The following ELMO1 variants were observed in gnomAD, a reference collection of about 807,000 sequenced individuals.
ELMO1 encodes engulfment and cell motility 1, also known as engulfment and cell motility protein 1.
A neutral mutation model predicts 98.9 loss-of-function variants in ELMO1; 26 were observed. That is an observed-to-expected ratio of 0.26 (90% confidence interval 0.19 to 0.36). The LOEUF is 0.36. Among genes scored for constraint, ELMO1 ranks in the 10% least tolerant of loss-of-function variants. The pLI, the probability that ELMO1 is intolerant of heterozygous loss-of-function variation, is 1.00. For synonymous variants in ELMO1, 346 were observed against 346.0 expected (o/e 1.00, Z 0.00); for missense variants, 627 against 935.2 (o/e 0.67, Z 4.30).
chr7:37,376,863 A>G (rs985970285), intron 1 of ELMO1, among the ~76,000 whole-genome samples: 2 of 152,220 alleles, frequency 1.3e-5, no homozygotes, highest in Non-Finnish European at 2.9e-5. Flanking sequence ...ACTGGAGTGT[A>G]ACATTTTCAT....
intron 13 of ELMO1, among the ~76,000 whole-genome samples, chr7:37,208,204 G>A (rs572355767): frequency 1.3e-5 from 2 of 152,356 alleles, no homozygotes; most frequent in Non-Finnish European, 1.5e-5. Context: ...TGTGCTAGTC[G>A]CTGGTAGACG....
chr7:37,364,329 T>A (rs183580777), intron 1 of ELMO1, among the ~76,000 whole-genome samples: 2 of 152,250 alleles, frequency 1.3e-5, no homozygotes, highest in African/African-American at 4.8e-5. Flanking sequence ...CTGCCAAATA[T>A]GATGTTAAAT....
At chr7:37,297,357 A>G (rs367801826) in intron 4 of ELMO1, among the ~76,000 whole-genome samples, 2 of 152,296 alleles carry the variant, frequency 1.3e-5, no homozygotes, top group South Asian at 2.1e-4. Context: ...TTCAGTTCCA[A>G]TTCCGGCATT....
chr7:37,267,236 A>G (rs754362181), intron 5 of ELMO1, among the ~76,000 whole-genome samples: 2 of 152,126 alleles, frequency 1.3e-5, no homozygotes, highest in African/African-American at 2.4e-5. Flanking sequence ...CCCTCTATAC[A>G]GGATGTTCTG....
At chr7:37,026,219 C>T (rs1794569813) in intron 15 of ELMO1, among the ~76,000 whole-genome samples, 1 of 152,122 alleles carries the variant, frequency 6.6e-6, no homozygotes, top group African/African-American at 2.4e-5. Context: ...TGTTGGGATA[C>T]AGGCAGATTA....
chr7:37,369,002 G>A (rs139026552), intron 1 of ELMO1, among the ~76,000 whole-genome samples: 4 of 152,078 alleles, frequency 2.6e-5, no homozygotes, highest in East Asian at 1.9e-4. Flanking sequence ...TTTCCCTCTC[G>A]GCATTTTACA....
At chr7:37,196,618 T>C (rs1791977317) in intron 13 of ELMO1, among the ~76,000 whole-genome samples, 1 of 152,134 alleles carries the variant, frequency 6.6e-6, no homozygotes, top group Non-Finnish European at 1.5e-5. Flanking sequence ...AGGCTAGAAA[T>C]AAAGCTTCAC....
At chr7:37,331,639 A>T (rs1352564843) in intron 2 of ELMO1, among the ~76,000 whole-genome samples, 1 of 152,062 alleles carries the variant, frequency 6.6e-6, no homozygotes, top group Non-Finnish European at 1.5e-5. Context: ...ACACACACCG[A>T]TGTTTAAGCT....
rs115786970 is a variant in ELMO1, at chr7:37,432,621, G to T, written c.-74+16054C>A. Among the ~76,000 whole-genome samples, 537 of 152,330 alleles carry T rather than the reference G, an allele frequency of 3.5e-3. 7 individuals carry two copies. Among genetic ancestry groups the T allele is most frequent in the African/African-American group, 0.012 (515 of 41,576 alleles). On this transcript the variant is annotated intron_variant, in intron 1 of 21. Coordinates refer to ENST00000310758, the MANE Select transcript of ELMO1 (RefSeq NM_014800.11). ...TAATATGCAATTATAGTCTAGAAAC[G>T]TATATTATCAAGGCCACGGTGCTCT...
chr7:36,959,402 C>T (rs192899807), intron 16 of ELMO1, among the ~76,000 whole-genome samples: 9 of 152,172 alleles, frequency 5.9e-5, no homozygotes, highest in Admixed American at 2.0e-4. Context: ...AGTTTTCAAG[C>T]CCCTGAAAAA....
chr7:37,323,722 C>A (rs1277474654), intron 2 of ELMO1, among the ~76,000 whole-genome samples: 1 of 152,084 alleles, frequency 6.6e-6, no homozygotes, highest in Non-Finnish European at 1.5e-5. Flanking sequence ...GAGTATTGGT[C>A]TTTTGCTTTC....
chr7:37,289,735 T>C (rs1797577571), intron 4 of ELMO1, among the ~76,000 whole-genome samples: 2 of 151,922 alleles, frequency 1.3e-5, no homozygotes, highest in African/African-American at 4.8e-5. Context: ...TCACTTGCAT[T>C]GCATTCGAGA....
intron 13 of ELMO1, among the ~76,000 whole-genome samples, chr7:37,159,101 C>A (rs1789008400): frequency 6.6e-6 from 1 of 152,106 alleles, no homozygotes. Context: ...GGGAGTTGAA[C>A]AATGAGAACA....
At chr7:37,252,858 T>C (rs1795430393) in intron 6 of ELMO1, among the ~76,000 whole-genome samples, 1 of 152,120 alleles carries the variant, frequency 6.6e-6, no homozygotes. Context: ...ATCCAAAATC[T>C]ACAAGGAACT....
intron 15 of ELMO1, among the ~76,000 whole-genome samples, chr7:37,090,159 C>T (rs899273403): frequency 2.2e-5 from 3 of 137,254 alleles, no homozygotes; most frequent in African/African-American, 8.1e-5. Flanking sequence ...ATGACATCAC[C>T]GGACAGGTAT....
intron 20 of ELMO1, chr7:36,862,182 C>A: frequency 5.6e-6 from 1 of 178,176 alleles, no homozygotes; most frequent in Non-Finnish European, 1.2e-5. Context: ...GACTGCCCTT[C>A]CTTCTATCAT....
chr7:37,027,135 G>T (rs1794625508), intron 15 of ELMO1, among the ~76,000 whole-genome samples: 1 of 152,076 alleles, frequency 6.6e-6, no homozygotes, highest in African/African-American at 2.4e-5. Context: ...CCTTCAAAAT[G>T]ACCCATTCTT....
chr7:36,884,093 AGTGGATC>A (rs1562795249), intron 18 of ELMO1, among the ~76,000 whole-genome samples: 2 of 152,108 alleles, frequency 1.3e-5, no homozygotes, highest in Non-Finnish European at 2.9e-5. Flanking sequence ...AGGCAAGGCA[AGTGGATC>A]ATCTGAGGTC....
chr7:37,419,457 T>C (rs896475516), intron 1 of ELMO1, among the ~76,000 whole-genome samples: 9 of 152,180 alleles, frequency 5.9e-5, no homozygotes, highest in Admixed American at 5.9e-4. Flanking sequence ...TGTTGTCCTC[T>C]CAGGGTTGTT....
Sources: allele counts gnomAD v4.1 joint callset (sites outside exome capture counted in the v4.1 genomes callset), GRCh38; gene constraint gnomAD v4.1.1; transcripts MANE v1.5; gene names NCBI Gene and HGNC (gene_info 2026-07-23, HGNC 2026-07-21).